Variants in TBC1D8 observed in about 807,000 individuals in gnomAD.
TBC1D8 encodes TBC1 domain family member 8.
In TBC1D8, 65 loss-of-function variants were observed where a neutral mutation model predicts 118.8. That is an observed-to-expected ratio of 0.55 (90% CI 0.45 to 0.67). The LOEUF is 0.67. Ranked by LOEUF, TBC1D8 falls within the 30% of genes least tolerant of loss-of-function variation. TBC1D8 has a pLI of 0.00. For synonymous variants in TBC1D8, 566 were observed against 595.8 expected, an observed-to-expected ratio of 0.95 and a Z score of 0.73; for missense variants, 1,376 against 1,471.2, an observed-to-expected ratio of 0.94 and a Z score of 1.06.
At chr2:101,016,917 ACTGGTGTGGGGTTGGGGGGATGGGGGAGG>A (rs1679689198) in intron 17 of TBC1D8, among the ~76,000 whole-genome samples, 2 of 151,494 alleles carry the variant, frequency 1.3e-5, no homozygotes, top group African/African-American at 4.9e-5. Flanking sequence ...CACTCTGGGG[ACTGGTGTGGGGTTGGGGGGATGGGGGAGG>A]GATAGCATTA....
intron 19 of TBC1D8, 92 bp downstream of exon 19, chr2:101,010,837 G>A (rs547080498): frequency 2.1e-5 from 22 of 1,035,812 alleles, no homozygotes; most frequent in East Asian, 2.0e-4. Context: ...GGCTGAGATC[G>A]CGCCACTGTA....
intron 17 of TBC1D8, among the ~76,000 whole-genome samples, chr2:101,012,621 T>TA (rs1679306222): frequency 7.5e-6 from 1 of 132,598 alleles, no homozygotes; most frequent in Admixed American, 7.6e-5. Context: ...CAACTCTGAA[T>TA]ATACAAAAAA....
In TBC1D8 at chr2:101,081,567, C is replaced by T. The variant is rs1272389407; in HGVS notation, c.283+8642G>A. ...TCATGAAAGGCAACCCTGAAGTGGGCCCCCTGGGACCCTCCCCATGCTCTC... is the reference window on the plus strand; with the variant it reads ...TCATGAAAGGCAACCCTGAAGTGGGTCCCCTGGGACCCTCCCCATGCTCTC... On this transcript the variant is annotated intron_variant, in intron 2 of 19. Coordinates refer to ENST00000409318, the MANE Select transcript of TBC1D8 (RefSeq NM_001330348.2). Among the ~76,000 whole-genome samples the T allele has an allele frequency of 3.9e-5, 6 of 152,220 alleles. No individual in the cohort carries two copies. The South Asian group carries it at 1.0e-3, about 26-fold the overall frequency.
chr2:101,089,735 T>G (rs1574012817), intron 2 of TBC1D8, among the ~76,000 whole-genome samples: 1 of 151,928 alleles, frequency 6.6e-6, no homozygotes, highest in East Asian at 1.9e-4. Context: ...GACACAGCCC[T>G]CAGAAACTGC....
chr2:101,054,128 G>A lies in TBC1D8; in HGVS notation c.611C>T (p.Ser204Phe). The A allele has an allele frequency of 6.2e-7, 1 of 1,612,654 alleles. No individual in the cohort carries two copies. Among genetic ancestry groups the A allele is most frequent in the Non-Finnish European group, 8.5e-7 (1 of 1,179,450 alleles). The part of the protein sequence containing the change: ...YLSINHLCFY[S>F]FFLGKELKLV... ...CTTACGTTCCTTGCCCAGGAAGAAG[G>A]AGTAGAAGCAGAGGTGGTTGATGCT... Residue 204 changes from serine to phenylalanine, a missense_variant, in exon 4 of 20, where the codon TCC becomes TTC. Coordinates refer to ENST00000409318, the MANE Select transcript of TBC1D8 (RefSeq NM_001330348.2).
At chr2:101,095,631 T>G (rs917815735) in intron 1 of TBC1D8, among the ~76,000 whole-genome samples, 2 of 152,098 alleles carry the variant, frequency 1.3e-5, no homozygotes, top group Admixed American at 6.6e-5. Context: ...ATGTGCCACA[T>G]TTTCTTAATC....
chr2:101,120,561 G>A (rs563077921), intron 1 of TBC1D8, among the ~76,000 whole-genome samples: 4 of 152,326 alleles, frequency 2.6e-5, no homozygotes, highest in Admixed American at 1.3e-4. Context: ...ATCTGCCTAG[G>A]AAAACATAAA....
intron 10 of TBC1D8, 157 bp from the exon 11 acceptor site, chr2:101,032,542 C>T (rs1044529620): frequency 1.8e-4 from 110 of 599,068 alleles, no homozygotes; most frequent in African/African-American, 1.4e-3. Flanking sequence ...GTGGAATGAC[C>T]GTGACAGCAA....
At chr2:101,020,387 G>C (rs1364643871) in intron 17 of TBC1D8, among the ~76,000 whole-genome samples, 2 of 152,102 alleles carry the variant, frequency 1.3e-5, no homozygotes, top group Non-Finnish European at 2.9e-5. Context: ...TATGTTAATA[G>C]AAAAACATTT....
intron 2 of TBC1D8, among the ~76,000 whole-genome samples, chr2:101,089,422 T>TAA (rs5832949): frequency 1.4e-4 from 21 of 146,738 alleles, no homozygotes; most frequent in Middle Eastern, 3.3e-3. Flanking sequence ...TACTCGTGTT[T>TAA]AAAAAAAAAA....
At chr2:101,009,728 G>A (rs956895105) in intron 19 of TBC1D8, among the ~76,000 whole-genome samples, 12 of 149,396 alleles carry the variant, frequency 8.0e-5, no homozygotes, top group Non-Finnish European at 1.8e-4. Context: ...GTGGTCAAAA[G>A]AAAAAAAAGA....
intron 1 of TBC1D8, among the ~76,000 whole-genome samples, chr2:101,113,269 T>C (rs1288892755): frequency 1.3e-5 from 2 of 152,154 alleles, no homozygotes; most frequent in African/African-American, 4.8e-5. Context: ...AAAACTAAGC[T>C]TAATCGCTCA....
At chr2:101,038,265 C>A (rs954124560) in intron 7 of TBC1D8, among the ~76,000 whole-genome samples, 196 bp downstream of exon 7, 6 of 152,088 alleles carry the variant, frequency 3.9e-5, no homozygotes, top group African/African-American at 1.4e-4. Context: ...GAGGGGTGAC[C>A]CCGTCACCCC....
At chr2:101,146,738 TCTCA>T (rs1316219067) in intron 1 of TBC1D8, among the ~76,000 whole-genome samples, 3 of 151,774 alleles carry the variant, frequency 2.0e-5, no homozygotes, top group African/African-American at 7.3e-5. Context: ...TTCAAAGGCT[TCTCA>T]TTCTCATAGC....
chr2:101,109,207 C>T (rs912559363), intron 1 of TBC1D8, among the ~76,000 whole-genome samples: 16 of 152,076 alleles, frequency 1.1e-4, no homozygotes, highest in Non-Finnish European at 1.5e-4. Flanking sequence ...GAACCACCCA[C>T]GGTACAAAGG....
At chr2:101,085,819 A>G (rs1325790153) in intron 2 of TBC1D8, among the ~76,000 whole-genome samples, 2 of 152,320 alleles carry the variant, frequency 1.3e-5, no homozygotes, top group East Asian at 1.9e-4. Flanking sequence ...GATGTTGGAA[A>G]TCTAACAAAA....
chr2:101,103,028 C>A (rs1676958648), intron 1 of TBC1D8, among the ~76,000 whole-genome samples: 1 of 152,014 alleles, frequency 6.6e-6, no homozygotes, highest in Admixed American at 6.6e-5. Context: ...GGCCAACGTT[C>A]CTGTAATATA....
chr2:101,096,419 C>CAAAAAAAA (rs55824667), intron 1 of TBC1D8, among the ~76,000 whole-genome samples: 1 of 43,732 alleles, frequency 2.3e-5, no homozygotes, highest in Non-Finnish European at 4.2e-5. Flanking sequence ...TGGCTTTTGA[C>CAAAAAAAA]AAAAAAAAAA....
intron 1 of TBC1D8, among the ~76,000 whole-genome samples, chr2:101,099,447 A>G (rs1263353648): frequency 6.6e-6 from 1 of 152,240 alleles, no homozygotes; most frequent in Non-Finnish European, 1.5e-5. Flanking sequence ...AGGAGCTTGT[A>G]CCATTCCTTC....
Sources: allele counts gnomAD v4.1 joint callset (sites outside exome capture counted in the v4.1 genomes callset), GRCh38; gene constraint gnomAD v4.1.1; transcripts MANE v1.5; gene names NCBI Gene and HGNC (gene_info 2026-07-23, HGNC 2026-07-21).